NCAPH2: variants seen among roughly 807,000 people sequenced by gnomAD.
NCAPH2 encodes condensin-2 complex subunit H2.
A neutral mutation model predicts 88.6 loss-of-function variants in NCAPH2; 56 were observed. That is an observed-to-expected ratio of 0.63 (90% CI 0.51 to 0.79). NCAPH2 has a LOEUF of 0.79. Among genes scored for constraint, NCAPH2 ranks in the 30% least tolerant of loss-of-function variants. The pLI is 0.00. For synonymous variants in NCAPH2, 378 were observed against 313.6 expected (o/e 1.21, Z -2.17); for missense variants, 794 against 792.0 (o/e 1.00, Z -0.03).
rs1461114977 is a variant in NCAPH2, at chr22:50,521,857, G to A, written c.1108+9G>A. 4.3e-6 allele frequency: 7 copies of A among 1,613,850 alleles called. No homozygotes were observed. Among genetic ancestry groups the A allele is most frequent in the African/African-American group, 1.3e-5 (1 of 75,064 alleles). On this transcript the variant is annotated intron_variant, in intron 12 of 19. Transcript: ENST00000420993. ...GTGGTACCTGGCTGCCTGTGAGTGGGTGTGGTGTGCACTCCGGACCACTGG... is the reference window on the plus strand; with the variant it reads ...GTGGTACCTGGCTGCCTGTGAGTGGATGTGGTGTGCACTCCGGACCACTGG...
Position 50,523,533 on chromosome 22 carries a change from C to A in NCAPH2, c.*158C>A. The stretch of plus-strand genomic sequence containing the variant: ...CAGAGAAGAGGGCTGCCTGGCCTCC[C>A]TGGGCCGCTGGTACAGATCACACAC... On this transcript the variant is annotated 3_prime_UTR_variant, in exon 20 of 20. Transcript: ENST00000420993. 2.5e-6 allele frequency: 4 copies of A among 1,573,526 alleles called. No individual in the cohort carries two copies. The highest frequency in any genetic ancestry group is 2.3e-5 in the South Asian group (2 of 88,164).
chr22:50,517,896 G>A lies in NCAPH2; in HGVS notation c.421-77G>A, dbSNP rs564371736. The A allele has an allele frequency of 4.6e-5, 73 of 1,602,818 alleles. 1 individual carries two copies. Among genetic ancestry groups the A allele is most frequent in the Admixed American group, 4.0e-4 (24 of 59,758 alleles). On this transcript the variant is annotated intron_variant, in intron 5 of 19. Transcript: ENST00000420993. Reference sequence around the variant, plus strand: ...TTGAGCTGATGGGGTGTGGGAAGGTGTCATTGCCCCATGTGGGTCCTGTTC... The same window carrying A: ...TTGAGCTGATGGGGTGTGGGAAGGTATCATTGCCCCATGTGGGTCCTGTTC...
At chr22:50,514,995 C>T (rs1054088960) in intron 1 of NCAPH2, among the ~76,000 whole-genome samples, 17 of 152,206 alleles carry the variant, frequency 1.1e-4, no homozygotes, top group South Asian at 2.1e-4. Context: ...TGAGCCTCTG[C>T]GTTTTTCAGG....
intron 1 of NCAPH2, among the ~76,000 whole-genome samples, chr22:50,515,026 T>C (rs1212210052): frequency 6.6e-6 from 1 of 152,250 alleles, no homozygotes; most frequent in Non-Finnish European, 1.5e-5. Flanking sequence ...ACATTATCTA[T>C]GCATGTGTTC....
rs1340993604 is a variant in NCAPH2 at position 50,516,417 on chromosome 22, T to A, written c.109-30T>A. 4 of 1,607,392 alleles carry A rather than the reference T, an allele frequency of 2.5e-6. No individual in the cohort carries two copies. In the Admixed American group the frequency reaches 5.0e-5, roughly 20 times the overall value. ...AAGCGAGTGCAGACTGGGCCTTGGA[T>A]TCCCCCTGTCTTTGTGTTGTTTCTT... On this transcript the variant is annotated intron_variant, in intron 1 of 19. Coordinates refer to ENST00000420993, the MANE Select transcript of NCAPH2 (RefSeq NM_152299.4).
chr22:50,520,020 G>A (rs1344591459), intron 9 of NCAPH2, among the ~76,000 whole-genome samples: 3 of 151,454 alleles, frequency 2.0e-5, no homozygotes, highest in East Asian at 2.0e-4. Flanking sequence ...ACAGGCGCCC[G>A]CCACCATGCC....
At chr22:50,516,034 G>T (rs570199466) in intron 1 of NCAPH2, among the ~76,000 whole-genome samples, 13 of 152,268 alleles carry the variant, frequency 8.5e-5, no homozygotes, top group African/African-American at 1.2e-4. Flanking sequence ...CGACTCACCT[G>T]TAACTGTTTC....
chr22:50,523,300 CCTGAGA>C lies in NCAPH2; in HGVS notation c.1747_1752del (p.Arg583_Leu584del). 6.2e-7 allele frequency: 1 copy of C among 1,601,002 alleles called. No homozygotes were observed. The highest frequency in any genetic ancestry group is 8.5e-7 in the Non-Finnish European group (1 of 1,173,880). ...TGGAGATGGCCGTGGACACCATGTC[CCTGAGA>C]CTGCTCACGCACCAGCGAGCGCACA... On this transcript the variant is annotated inframe_deletion, in exon 20 of 20. Transcript: ENST00000420993.
At position 50,522,670 on chromosome 22, in the gene NCAPH2, G is replaced by A. The variant is rs930764250; in HGVS notation, c.1376-1G>A. The A allele has an allele frequency of 5.6e-6, 9 of 1,613,620 alleles. No homozygotes were observed. Among genetic ancestry groups the A allele is most frequent in the Non-Finnish European group, 7.6e-6 (9 of 1,180,010 alleles). On this transcript the variant is annotated splice_acceptor_variant, in intron 16 of 19. Transcript: ENST00000420993. LOFTEE classifies it high-confidence loss of function. Reference sequence around the variant, plus strand: ...CCCAGCTCACAGCTACCCCTTCCCAGACGCAGTGCCGATGTCCCTGAGCTA... The same window carrying A: ...CCCAGCTCACAGCTACCCCTTCCCAAACGCAGTGCCGATGTCCCTGAGCTA...
At position 50,524,603 on chromosome 22, in the gene NCAPH2, G is replaced by A. The variant is rs1265503306; in HGVS notation, c.*1228G>A. ...CCACCTCCACCAAACATCCACACCT[G>A]GGCAACCACACCTGTCACTCCTGTC... On this transcript the variant is annotated 3_prime_UTR_variant, in exon 20 of 20. Transcript: ENST00000420993. The A allele has an allele frequency of 1.4e-6, 1 of 718,100 alleles. No individual in the cohort carries two copies. The highest frequency in any genetic ancestry group is 2.6e-6 in the Non-Finnish European group (1 of 387,872). The allele number at this position is 718,100 out of a possible 1,614,324, so 44.5% of individuals were successfully genotyped here.
chr22:50,515,715 T>TTA, intron 1 of NCAPH2: 4 of 1,255,340 alleles, frequency 3.2e-6, no homozygotes, highest in Non-Finnish European at 4.1e-6. Flanking sequence ...TTTTTTTTTT[T>TTA]AAAGTGTCAT....
At chr22:50,511,137 C>T (rs554696258) in intron 1 of NCAPH2, among the ~76,000 whole-genome samples, 24 of 149,988 alleles carry the variant, frequency 1.6e-4, no homozygotes, top group African/African-American at 3.7e-4. Context: ...TGAGCCACCG[C>T]GCCCAGCCAA....
In NCAPH2 at chr22:50,521,745, G is replaced by T. The variant is rs371795590; in HGVS notation, c.1005G>T (p.Arg335Ser). ...ACAGTCCCTGTTTGCCCCCAGGTAG[G>T]CCTTACTCTGTGCCCCCCTGTGTGG... ...SLESKPFKKG[R>S]PYSVPPCVEE... is the part of the protein sequence containing the mutation. Residue 335 changes from arginine (R) to serine (S), a missense_variant, in exon 12 of 20, where the codon AGG becomes AGT. Physicochemically the swap from Arg to Ser is moderately radical, Grantham distance 110 (BLOSUM62 -1). This residue lies in a region of NCAPH2 where 735 missense variants were observed against 696.3 expected (regional missense o/e 1.06). Coordinates refer to ENST00000420993, the MANE Select transcript of NCAPH2 (RefSeq NM_152299.4). 1 of 1,613,938 alleles carries T rather than the reference G, an allele frequency of 6.2e-7. No individual in the cohort carries two copies. Among genetic ancestry groups the T allele is most frequent in the South Asian group, 1.1e-5 (1 of 91,090 alleles).
chr22:50,510,788 A>C (rs2068761098), intron 1 of NCAPH2, among the ~76,000 whole-genome samples: 1 of 151,990 alleles, frequency 6.6e-6, no homozygotes, highest in Non-Finnish European at 1.5e-5. Flanking sequence ...CACCCTATCT[A>C]AAATAGTCCT....
At chr22:50,517,262 C>T (rs1258001872) in intron 2 of NCAPH2, among the ~76,000 whole-genome samples, 165 bp from the exon 3 acceptor site, 1 of 152,202 alleles carries the variant, frequency 6.6e-6, no homozygotes, top group Non-Finnish European at 1.5e-5. Context: ...CATGAGATTC[C>T]TGGTTTGATT....
At chr22:50,518,522 G>C in intron 7 of NCAPH2, 127 bp from the exon 8 acceptor site, 3 of 1,102,804 alleles carry the variant, frequency 2.7e-6, no homozygotes, top group Non-Finnish European at 2.6e-6. Flanking sequence ...TCTCCCCCCA[G>C]CCCAAGGCCT....
In NCAPH2 at chr22:50,511,079, C is replaced by G. The variant is rs577274757; in HGVS notation, c.108+2634C>G. ...GCCAGGATGGTCTCGATCTCCTGACCTGGTGATCCGCCCGTGTCGGTGTCC... is the reference window on the plus strand; with the variant it reads ...GCCAGGATGGTCTCGATCTCCTGACGTGGTGATCCGCCCGTGTCGGTGTCC... On this transcript the variant is annotated intron_variant, in intron 1 of 19. Coordinates refer to ENST00000420993, the MANE Select transcript of NCAPH2 (RefSeq NM_152299.4). Among the ~76,000 whole-genome samples, 669 of 151,292 alleles carry G rather than the reference C, an allele frequency of 4.4e-3. 18 individuals are homozygous for G. The highest frequency in any genetic ancestry group is 0.024 in the Middle Eastern group (7 of 288).
chr22:50,510,488 C>T (rs910914965), intron 1 of NCAPH2, among the ~76,000 whole-genome samples: 2 of 152,032 alleles, frequency 1.3e-5, no homozygotes, highest in Admixed American at 6.6e-5. Context: ...AGTACAATGG[C>T]AGAATCTTGG....
At chr22:50,516,633 C>G in intron 2 of NCAPH2, 85 bp downstream of exon 2, 1 of 1,266,656 alleles carries the variant, frequency 7.9e-7, no homozygotes, top group Non-Finnish European at 1.1e-6. Context: ...GTGCAGTGGT[C>G]GTCCCGTCTG....
Sources: allele counts gnomAD v4.1 joint callset (sites outside exome capture counted in the v4.1 genomes callset), GRCh38; gene constraint gnomAD v4.1.1; regional missense constraint gnomAD v4.1.1; transcripts MANE v1.5; gene names NCBI Gene and HGNC (gene_info 2026-07-23, HGNC 2026-07-21).